The following HIVEP1 variants were observed in gnomAD, a reference collection of about 807,000 sequenced individuals.
HIVEP1 encodes the protein HIVEP zinc finger 1.
Under a neutral mutation model 180.0 loss-of-function variants are expected in HIVEP1, and 36 were observed. The ratio of observed to expected loss-of-function variants is 0.20; its 90% CI spans 0.15 to 0.26. The LOEUF (loss-of-function observed/expected upper bound fraction) is 0.26. Ranked by LOEUF, HIVEP1 falls within the 10% of genes least tolerant of loss-of-function variation. The pLI is 1.00. For synonymous variants in HIVEP1, 1,239 were observed against 1,239.0 expected (o/e 1.00, Z 0.00); for missense variants, 3,143 against 3,268.7 (o/e 0.96, Z 0.94).
chr6:12,167,715 AAT>A (rs199615039), downstream of HIVEP1, among the ~76,000 whole-genome samples: 1,661 of 75,040 alleles, frequency 0.022, 52 homozygotes, highest in African/African-American at 0.069. Flanking sequence ...ATATATGCAT[AAT>A]ATATATACAT....
chr6:12,108,689 G>A (rs1047284579), intron 3 of HIVEP1, among the ~76,000 whole-genome samples: 7 of 152,196 alleles, frequency 4.6e-5, no homozygotes, highest in Admixed American at 2.0e-4. Context: ...CCGAGTGCGG[G>A]GCCCGCCAAG....
At chr6:12,184,365 A>T in the HIVEP1 span, among the ~76,000 whole-genome samples, 1 of 152,116 alleles carries the variant, frequency 6.6e-6, no homozygotes, top group African/African-American at 2.4e-5. Context: ...AAATGTCAAA[A>T]TTTTTTCTTT....
downstream of HIVEP1, among the ~76,000 whole-genome samples, chr6:12,168,733 A>G (rs2113709937): frequency 6.6e-6 from 1 of 152,212 alleles, no homozygotes; most frequent in East Asian, 1.9e-4. Flanking sequence ...AGTGCACTGT[A>G]TTCAATACAT....
intron 2 of HIVEP1, among the ~76,000 whole-genome samples, chr6:12,081,369 C>T (rs746353632): frequency 3.9e-5 from 6 of 152,162 alleles, no homozygotes; most frequent in Non-Finnish European, 7.4e-5. Context: ...GTCTCTGTAG[C>T]CCCTTACACA....
In HIVEP1 at chr6:12,130,946, T is replaced by C. The variant is rs930427315; in HGVS notation, c.6385+4T>C. On this transcript the variant is annotated splice_donor_region_variant and intron_variant, in intron 6 of 8. Coordinates refer to ENST00000379388, the MANE Select transcript of HIVEP1 (RefSeq NM_002114.4). ...AACTTCTCCTTTAAGACTAAAGGTATGAGATGCACATTGCTTCAAGGTCCT... is the reference window on the plus strand; with the variant it reads ...AACTTCTCCTTTAAGACTAAAGGTACGAGATGCACATTGCTTCAAGGTCCT... 6.3e-7 allele frequency: 1 copy of C among 1,586,658 alleles called. No individual in the cohort carries two copies. The highest frequency in any genetic ancestry group is 8.6e-7 in the Non-Finnish European group (1 of 1,161,474).
At chr6:12,072,734 T>C (rs1235630353) in intron 2 of HIVEP1, among the ~76,000 whole-genome samples, 1 of 152,238 alleles carries the variant, frequency 6.6e-6, no homozygotes, top group Non-Finnish European at 1.5e-5. Flanking sequence ...CAGTGCCCTG[T>C]CTGCTGTTAT....
At chr6:12,086,753 G>A (rs1300531992) in intron 2 of HIVEP1, among the ~76,000 whole-genome samples, 1 of 152,064 alleles carries the variant, frequency 6.6e-6, no homozygotes, top group East Asian at 1.9e-4. Context: ...GGAATTACAT[G>A]TATGCATAAT....
At chr6:12,030,374 A>T (rs1357741697) in intron 2 of HIVEP1, among the ~76,000 whole-genome samples, 1 of 151,382 alleles carries the variant, frequency 6.6e-6, no homozygotes, top group African/African-American at 2.4e-5. Context: ...TTCTTCATAT[A>T]TTTTTTCTGT....
chr6:12,152,585 A>G (rs1387842846), intron 7 of HIVEP1, among the ~76,000 whole-genome samples: 1 of 152,240 alleles, frequency 6.6e-6, no homozygotes, highest in Admixed American at 6.5e-5. Context: ...GTTACCCAGA[A>G]TATCAGTCCT....
intron 2 of HIVEP1, among the ~76,000 whole-genome samples, chr6:12,069,384 GGT>G (rs985439484): frequency 6.6e-6 from 1 of 152,108 alleles, no homozygotes; most frequent in African/African-American, 2.4e-5. Context: ...GTGAGTGGGT[GGT>G]GAGTGGATGG....
intron 2 of HIVEP1, among the ~76,000 whole-genome samples, chr6:12,082,203 TG>T (rs1443967960): frequency 1.3e-5 from 2 of 152,110 alleles, no homozygotes; most frequent in African/African-American, 4.8e-5. Context: ...GTATACAGTC[TG>T]GGGTGTCATT....
At chr6:12,036,215 A>C (rs1332972693) in intron 2 of HIVEP1, among the ~76,000 whole-genome samples, 1 of 152,222 alleles carries the variant, frequency 6.6e-6, no homozygotes, top group East Asian at 1.9e-4. Context: ...AAAGAGCTTG[A>C]TTTTGGTGTT....
At chr6:12,069,146 G>A (rs2113778177) in intron 2 of HIVEP1, among the ~76,000 whole-genome samples, 1 of 152,298 alleles carries the variant, frequency 6.6e-6, no homozygotes, top group South Asian at 2.1e-4. Context: ...AACCTAGATG[G>A]TACAGCCAAC....
intron 3 of HIVEP1, among the ~76,000 whole-genome samples, chr6:12,119,065 A>C (rs1268668398): frequency 6.6e-6 from 1 of 152,260 alleles, no homozygotes; most frequent in African/African-American, 2.4e-5. Flanking sequence ...ATTTGTCTGC[A>C]CACAATGAAA....
chr6:12,178,807 T>C, the HIVEP1 span, among the ~76,000 whole-genome samples: 1 of 152,204 alleles, frequency 6.6e-6, no homozygotes, highest in African/African-American at 2.4e-5. Context: ...CATTGTGTGG[T>C]GTTTTTCTCT....
At chr6:12,046,382 A>G (rs188808818) in intron 2 of HIVEP1, among the ~76,000 whole-genome samples, 74 of 152,292 alleles carry the variant, frequency 4.9e-4, no homozygotes, top group Non-Finnish European at 8.7e-4. Flanking sequence ...GCACACTGCT[A>G]TGTTCATTGT....
chr6:12,058,254 T>C lies in HIVEP1; in HGVS notation c.41-30930T>C, dbSNP rs60292581. On this transcript the variant is annotated intron_variant, in intron 2 of 8. Transcript: ENST00000379388. ...AAAAAAAAAGTGTAAAATTTATATATACTGCATTTATAAAGTGCTTAGTGG... is the reference window on the plus strand; with the variant it reads ...AAAAAAAAAGTGTAAAATTTATATACACTGCATTTATAAAGTGCTTAGTGG... Among the ~76,000 whole-genome samples the C allele has an allele frequency of 8.9e-3, 1,354 of 152,318 alleles. 20 individuals carry two copies. The highest frequency in any genetic ancestry group is 0.031 in the African/African-American group (1,300 of 41,582).
At chr6:12,115,515 C>T (rs1029962639) in intron 3 of HIVEP1, among the ~76,000 whole-genome samples, 1 of 151,872 alleles carries the variant, frequency 6.6e-6, no homozygotes, top group African/African-American at 2.4e-5. Flanking sequence ...CCTGAGTGTG[C>T]TTTGTATCTG....
chr6:12,100,293 G>T (rs982565686), intron 3 of HIVEP1, among the ~76,000 whole-genome samples: 1 of 152,152 alleles, frequency 6.6e-6, no homozygotes, highest in East Asian at 1.9e-4. Flanking sequence ...AGAGGGGTTG[G>T]TTGGGGAGGG....
Sources: allele counts gnomAD v4.1 joint callset (sites outside exome capture counted in the v4.1 genomes callset), GRCh38; gene constraint gnomAD v4.1.1; transcripts MANE v1.5; gene names NCBI Gene and HGNC (gene_info 2026-07-23, HGNC 2026-07-21).